The following ZMAT5 variants were observed in gnomAD, a reference collection of about 807,000 sequenced individuals.
ZMAT5 encodes the protein zinc finger matrin-type protein 5.
ZMAT5 carries 23 observed loss-of-function variants against 28.0 expected under a neutral mutation model. The observed-to-expected ratio is 0.82, with a 90% CI of 0.59 to 1.16. ZMAT5 has a LOEUF of 1.16. Ranked by LOEUF, ZMAT5 falls within the 50% of genes most tolerant of loss-of-function variation. The pLI, the probability that ZMAT5 is intolerant of heterozygous loss-of-function variation, is 0.00. For missense variants in ZMAT5, 173 were observed against 212.7 expected, an observed-to-expected ratio of 0.81 and a Z score of 1.16; for synonymous variants, 76 against 84.1, an observed-to-expected ratio of 0.90 and a Z score of 0.52.
At chr22:29,760,359 A>C (rs1366548529) in intron 1 of ZMAT5, among the ~76,000 whole-genome samples, 3 of 145,944 alleles carry the variant, frequency 2.1e-5, no homozygotes, top group Non-Finnish European at 4.5e-5. Flanking sequence ...AGTGACAGAG[A>C]CAGACTCCTC....
chr22:29,739,319 T>C (rs1359329914), intron 4 of ZMAT5, among the ~76,000 whole-genome samples: 2 of 152,142 alleles, frequency 1.3e-5, no homozygotes, highest in Admixed American at 1.3e-4. Context: ...AGGAAAGTAA[T>C]CATACACTTG....
chr22:29,732,425 G>A (rs2067856815), intron 5 of ZMAT5, among the ~76,000 whole-genome samples: 2 of 152,202 alleles, frequency 1.3e-5, no homozygotes, highest in South Asian at 4.1e-4. Context: ...ATGTCCAGCT[G>A]TGGGGGACTG....
chr22:29,761,954 T>C (rs1336029330), intron 1 of ZMAT5, among the ~76,000 whole-genome samples: 1 of 152,176 alleles, frequency 6.6e-6, no homozygotes, highest in African/African-American at 2.4e-5. Context: ...GTTTTTGTTC[T>C]TTTTAGCTCC....
intron 1 of ZMAT5, among the ~76,000 whole-genome samples, chr22:29,763,188 G>A (rs1026855927): frequency 2.0e-5 from 3 of 151,990 alleles, no homozygotes; most frequent in Non-Finnish European, 4.4e-5. Context: ...AGTTACTCGG[G>A]AGGCTGAGAG....
chr22:29,750,923 G>A (rs1272343398), intron 1 of ZMAT5, among the ~76,000 whole-genome samples: 3 of 152,160 alleles, frequency 2.0e-5, no homozygotes, highest in Admixed American at 2.0e-4. Flanking sequence ...AATGGGATCA[G>A]GAACAGACAG....
chr22:29,754,573 C>T (rs2068082296), intron 1 of ZMAT5, among the ~76,000 whole-genome samples: 1 of 152,194 alleles, frequency 6.6e-6, no homozygotes, highest in African/African-American at 2.4e-5. Context: ...GGCAGTAGTA[C>T]ATTAAGGTGC....
intron 2 of ZMAT5, among the ~76,000 whole-genome samples, chr22:29,743,539 T>G (rs890849132): frequency 3.9e-5 from 6 of 152,188 alleles, no homozygotes; most frequent in African/African-American, 1.4e-4. Context: ...CAGGTGATCC[T>G]TCCCCCTCAG....
rs2067971406 is a variant in ZMAT5 at position 29,742,466 on chromosome 22, A to G, written c.142T>C (p.Leu48=). 1 of 1,612,994 alleles carries G rather than the reference A, an allele frequency of 6.2e-7. No individual in the cohort carries two copies. The change falls in exon 3 of 6, where the codon TTG becomes CTG. Residue 48 remains leucine, a synonymous_variant. Transcript: ENST00000344318. ...GGCCGCTTGTTCTGCTCATCCAGCA[A>G]GATGGCAGCTGCATCTGCGAGAGAA... ...YDMFRDAAAI[L]LDEQNKRPCR...
At chr22:29,748,330 AC>A in intron 2 of ZMAT5, 87 bp downstream of exon 2, 3 of 1,591,934 alleles carry the variant, frequency 1.9e-6, no homozygotes, top group Non-Finnish European at 2.6e-6. Flanking sequence ...CCAGACCTAG[AC>A]TGTCACTGAC....
chr22:29,763,414 C>G (rs1322213091), intron 1 of ZMAT5, among the ~76,000 whole-genome samples: 9 of 151,668 alleles, frequency 5.9e-5, no homozygotes, highest in African/African-American at 2.2e-4. Flanking sequence ...CCAGCCTGAC[C>G]AACATGGTGA....
In ZMAT5 at chr22:29,742,819, C is replaced by A. The variant is rs372057956; in HGVS notation, c.128-339G>T. Among the ~76,000 whole-genome samples the A allele has an allele frequency of 2.9e-3, 446 of 152,230 alleles. 2 individuals carry two copies. Among genetic ancestry groups the A allele is most frequent in the African/African-American group, 0.01 (426 of 41,524 alleles). On this transcript the variant is annotated intron_variant, in intron 2 of 5. Transcript: ENST00000344318. Reference sequence around the variant, plus strand: ...TTTTTGTTTTTTAGAGACAGGGTCTCGCTCTGTCACCCAGGCTGGAGTGCA... The same window carrying A: ...TTTTTGTTTTTTAGAGACAGGGTCTAGCTCTGTCACCCAGGCTGGAGTGCA...
At chr22:29,734,844 C>CAGCCCT (rs2067889532) in intron 5 of ZMAT5, among the ~76,000 whole-genome samples, 1 of 134,104 alleles carries the variant, frequency 7.5e-6, no homozygotes, top group Admixed American at 7.4e-5. Flanking sequence ...GCCCCAGCCC[C>CAGCCCT]AGCCCTGCAA....
At chr22:29,732,387 T>C (rs1485937156) in intron 5 of ZMAT5, among the ~76,000 whole-genome samples, 1 of 152,138 alleles carries the variant, frequency 6.6e-6, no homozygotes, top group South Asian at 2.1e-4. Flanking sequence ...GTTACAGCAA[T>C]AGCCGTGAGA....
rs1477046737 is a variant in ZMAT5, at chr22:29,751,134, GAA to G, written c.-27-2565_-27-2564del. Among the ~76,000 whole-genome samples, 190 of 152,292 alleles carry G rather than the reference GAA, an allele frequency of 1.2e-3. 1 individual carries two copies. The highest frequency in any genetic ancestry group is 4.5e-3 in the African/African-American group (186 of 41,562). ...CTAAACCAAGCCATTCAGAAAGCTT[GAA>G]GCTCCCAGAAGCTTGCTGGCGCTGG... is the stretch of plus-strand genomic sequence containing the variant. On this transcript the variant is annotated intron_variant, in intron 1 of 5. Transcript: ENST00000344318.
intron 1 of ZMAT5, among the ~76,000 whole-genome samples, chr22:29,753,156 G>A (rs769999938): frequency 2.6e-5 from 4 of 152,202 alleles, no homozygotes; most frequent in East Asian, 1.9e-4. Flanking sequence ...ACATCCAGTC[G>A]CTACTGCTTC....
At chr22:29,740,258 A>G (rs2067948998) in intron 4 of ZMAT5, among the ~76,000 whole-genome samples, 1 of 151,822 alleles carries the variant, frequency 6.6e-6, no homozygotes. Flanking sequence ...GCGTTCCTAA[A>G]CTCCTTATCC....
At chr22:29,753,681 T>G (rs564064724) in intron 1 of ZMAT5, among the ~76,000 whole-genome samples, 38 of 151,930 alleles carry the variant, frequency 2.5e-4, no homozygotes, top group African/African-American at 8.0e-4. Context: ...AGAGCAAGAC[T>G]CCCTCTCAAA....
chr22:29,741,340 A>G (rs1484233113), intron 3 of ZMAT5, among the ~76,000 whole-genome samples: 4 of 152,154 alleles, frequency 2.6e-5, no homozygotes. Context: ...ACATCAAGGC[A>G]AAGTCTGTAG....
chr22:29,760,988 C>G (rs2068151433), intron 1 of ZMAT5, among the ~76,000 whole-genome samples: 1 of 152,158 alleles, frequency 6.6e-6, no homozygotes, highest in South Asian at 2.1e-4. Context: ...TAAAAAGTAG[C>G]TGTTGGCCAG....
Sources: allele counts gnomAD v4.1 joint callset (sites outside exome capture counted in the v4.1 genomes callset), GRCh38; gene constraint gnomAD v4.1.1; transcripts MANE v1.5; gene names NCBI Gene and HGNC (gene_info 2026-07-23, HGNC 2026-07-21).